HELZ: variants seen among roughly 807,000 people sequenced by gnomAD.
HELZ encodes the protein helicase with zinc finger.
In HELZ, 23 loss-of-function variants were observed where a neutral mutation model predicts 218.2. The observed-to-expected ratio is 0.11, with a 90% CI of 0.08 to 0.15. HELZ has a LOEUF of 0.15. HELZ is among the 10% of genes least tolerant of loss of function. The pLI is 1.00. For missense variants in HELZ, 1,813 were observed against 2,353.7 expected, an observed-to-expected ratio of 0.77 and a Z score of 4.75; for synonymous variants, 814 against 829.4, an observed-to-expected ratio of 0.98 and a Z score of 0.32.
At chr17:67,212,314 C>CAAAAAAAAAAAAAAAA (rs10692832) in intron 5 of HELZ, among the ~76,000 whole-genome samples, 1,742 of 21,400 alleles carry the variant, frequency 0.081, 677 homozygotes, top group Middle Eastern at 0.38. Context: ...GACACCATCT[C>CAAAAAAAAAAAAAAAA]AAAAAAAAAA....
At chr17:67,134,728 TGTCATTATCTATATTGTAAGAAA>T (rs2038093609) in intron 23 of HELZ, among the ~76,000 whole-genome samples, 1 of 152,054 alleles carries the variant, frequency 6.6e-6, no homozygotes, top group Non-Finnish European at 1.5e-5. Context: ...AATAAAGTGC[TGTCATTATCTATATTGTAAGAAA>T]AAAAAACCTG....
At chr17:67,082,735 T>C (rs894011670) in intron 32 of HELZ, among the ~76,000 whole-genome samples, 1 of 152,104 alleles carries the variant, frequency 6.6e-6, no homozygotes, top group African/African-American at 2.4e-5. Context: ...TCTAAAATAA[T>C]ATATAAAATA....
intron 28 of HELZ, among the ~76,000 whole-genome samples, chr17:67,113,404 C>A (rs1186757690): frequency 6.6e-6 from 1 of 151,944 alleles, no homozygotes. Context: ...GGACTACAGG[C>A]GCCCGCCACC....
At chr17:67,103,607 TAGAA>T (rs1341674752) in intron 31 of HELZ, among the ~76,000 whole-genome samples, 1 of 152,172 alleles carries the variant, frequency 6.6e-6, no homozygotes, top group Non-Finnish European at 1.5e-5. Flanking sequence ...CCTGAACAAA[TAGAA>T]AGATGTCCAT....
At chr17:67,097,604 C>T (rs575314992) in intron 31 of HELZ, among the ~76,000 whole-genome samples, 8 of 152,286 alleles carry the variant, frequency 5.3e-5, no homozygotes, top group Non-Finnish European at 7.4e-5. Context: ...GATACCAGAA[C>T]GAATACAATA....
chr17:67,074,193 A>T lies in HELZ; in HGVS notation c.*4059T>A, dbSNP rs1457981940. ...TTCATATGTTAAGGGGATGGTGAGC[A>T]AGAAATAATGTACGGTAAATCATAA... On this transcript the variant is annotated 3_prime_UTR_variant, in exon 33 of 33. Transcript: ENST00000358691. 1 of 152,102 alleles carries T rather than the reference A, an allele frequency of 6.6e-6. No individual in the cohort carries two copies. Among genetic ancestry groups the T allele is most frequent in the South Asian group, 2.1e-4 (1 of 4,832 alleles). The allele number at this position is 152,102 out of a possible 1,614,324, so 9.4% of individuals were successfully genotyped here.
chr17:67,099,720 C>T (rs1371560727), intron 31 of HELZ, among the ~76,000 whole-genome samples: 1 of 152,084 alleles, frequency 6.6e-6, no homozygotes, highest in African/African-American at 2.4e-5. Context: ...GCCATTTCAC[C>T]TGTGTGTATA....
At chr17:67,106,957 C>T (rs1326746731) in intron 31 of HELZ, among the ~76,000 whole-genome samples, 1 of 152,096 alleles carries the variant, frequency 6.6e-6, no homozygotes, top group Non-Finnish European at 1.5e-5. Flanking sequence ...CAATAAAAGA[C>T]TTTTAAGGGG....
chr17:67,233,648 A>C (rs2041097311), intron 3 of HELZ, among the ~76,000 whole-genome samples: 1 of 152,188 alleles, frequency 6.6e-6, no homozygotes. Context: ...TCCTTCTAGG[A>C]TTAAAATTCT....
chr17:67,116,600 A>G (rs532372420), intron 27 of HELZ, among the ~76,000 whole-genome samples: 1 of 152,316 alleles, frequency 6.6e-6, no homozygotes, highest in African/African-American at 2.4e-5. Context: ...TTTCAGGGAC[A>G]AAGAAGGTCA....
intron 28 of HELZ, 151 bp downstream of exon 28, chr17:67,114,173 G>A (rs2037362906): frequency 1.7e-6 from 1 of 588,918 alleles, no homozygotes; most frequent in South Asian, 2.4e-5. Flanking sequence ...GATGAAGAAA[G>A]AGAAGGCAAT....
At chr17:67,153,522 G>A (rs1201293938) in intron 17 of HELZ, among the ~76,000 whole-genome samples, 1 of 152,158 alleles carries the variant, frequency 6.6e-6, no homozygotes, top group Non-Finnish European at 1.5e-5. Context: ...CTTACAGCCA[G>A]GATTTAAACC....
Position 67,215,917 on chromosome 17 carries a change from C to G in HELZ, c.229G>C (p.Asp77His). Reference protein sequence around the residue: ...FLQLKNYVQADEDCRHVLGEG... With the variant: ...FLQLKNYVQAHEDCRHVLGEG... ...AACATACCATGTCTACAATCTTCATCAGCTTGCACATAATTTTTCTGCAAA... is the reference window on the plus strand; with the variant it reads ...AACATACCATGTCTACAATCTTCATGAGCTTGCACATAATTTTTCTGCAAA... The change falls in exon 5 of 33, where the codon GAT becomes CAT. Residue 77 changes from aspartate to histidine, a missense_variant. By Grantham distance (81) the Asp-to-His change is moderately conservative. Transcript: ENST00000358691. 1 of 1,555,510 alleles carries G rather than the reference C, an allele frequency of 6.4e-7. No homozygotes were observed. The highest frequency in any genetic ancestry group is 1.4e-5 in the African/African-American group (1 of 73,634).
chr17:67,109,065 G>C, intron 29 of HELZ, 51 bp downstream of exon 29: 2 of 1,383,636 alleles, frequency 1.4e-6, no homozygotes, highest in Non-Finnish European at 1.0e-6. Context: ...TACAGTCCAA[G>C]TCATGTTAAG....
At chr17:67,160,082 AAT>A (rs554565336) in intron 17 of HELZ, among the ~76,000 whole-genome samples, 177 bp downstream of exon 17, 5 of 152,216 alleles carry the variant, frequency 3.3e-5, no homozygotes, top group Non-Finnish European at 7.4e-5. Context: ...TTAAGAAATG[AAT>A]AGTCAAAGAT....
At chr17:67,193,643 G>A (rs890457965) in intron 9 of HELZ, among the ~76,000 whole-genome samples, 1 of 152,190 alleles carries the variant, frequency 6.6e-6, no homozygotes, top group Admixed American at 6.5e-5. Context: ...TTAAAGCCGG[G>A]AGGCAGAGGT....
rs1181672652 is a variant in HELZ, at chr17:67,160,256, A to G, written c.2177+5T>C. 1 of 1,541,912 alleles carries G rather than the reference A, an allele frequency of 6.5e-7. No individual in the cohort carries two copies. The highest frequency in any genetic ancestry group is 9.0e-7 in the Non-Finnish European group (1 of 1,114,750). On this transcript the variant is annotated splice_donor_5th_base_variant and intron_variant, in intron 17 of 32. Coordinates refer to ENST00000358691, the MANE Select transcript of HELZ (RefSeq NM_014877.4). Reference sequence around the variant, plus strand: ...CAGATACATAATAAGCCTTAAAAAAAATACCTGAGAGGTCTTGCCTGGGGA... The same window carrying G: ...CAGATACATAATAAGCCTTAAAAAAGATACCTGAGAGGTCTTGCCTGGGGA...
intron 17 of HELZ, among the ~76,000 whole-genome samples, chr17:67,156,349 A>C (rs2038842060): frequency 6.6e-6 from 1 of 152,142 alleles, no homozygotes; most frequent in African/African-American, 2.4e-5. Flanking sequence ...ATATAAAAAG[A>C]ATATTTACTT....
chr17:67,115,035 G>A (rs1424314636), intron 27 of HELZ, among the ~76,000 whole-genome samples: 3 of 152,158 alleles, frequency 2.0e-5, no homozygotes, highest in African/African-American at 7.2e-5. Flanking sequence ...TTCCTTGAAG[G>A]AATCCTTGAT....
Sources: gnomAD v4.1 joint callset for allele counts (sites outside exome capture counted in the v4.1 genomes callset) on GRCh38, gnomAD v4.1.1 for gene constraint, MANE v1.5 for transcripts, NCBI Gene and HGNC (gene_info 2026-07-23, HGNC 2026-07-21) for gene names.